The following FRMD4B variants were observed in gnomAD, a reference collection of about 807,000 sequenced individuals.
The protein encoded by FRMD4B is FERM domain containing 4B, also known as FERM domain-containing protein 4B.
A neutral mutation model predicts 141.5 loss-of-function variants in FRMD4B; 74 were observed. That is an observed-to-expected ratio of 0.52 (90% CI 0.43 to 0.63). The LOEUF (loss-of-function observed/expected upper bound fraction) is 0.63, where lower values mean the gene tolerates loss of function less well. FRMD4B is among the 30% of genes least tolerant of loss of function. The pLI is 0.00. For missense variants in FRMD4B, 1,366 were observed against 1,253.4 expected, an observed-to-expected ratio of 1.09 and a Z score of -1.36; for synonymous variants, 506 against 467.9, an observed-to-expected ratio of 1.08 and a Z score of -1.05.
At chr3:69,388,948 T>G (rs1195065043), upstream of FRMD4B, among the ~76,000 whole-genome samples, 1 of 152,048 alleles carries the variant, frequency 6.6e-6, no homozygotes, top group Non-Finnish European at 1.5e-5. Flanking sequence ...AAGAATAGTG[T>G]ACATTGTACC....
chr3:69,415,425 C>A (rs114135491), intron 2 of FRMD4B, among the ~76,000 whole-genome samples: 1 of 152,074 alleles, frequency 6.6e-6, no homozygotes, highest in Admixed American at 6.5e-5. Context: ...TGGTCAAGCC[C>A]CATCTACCTC....
At position 69,250,319 on chromosome 3, in the gene FRMD4B, C is replaced by G. The variant is rs966666409; in HGVS notation, c.502-220G>C. 1.5e-3 allele frequency: 328 copies of G among 213,660 alleles called. 1 individual carries two copies. The highest frequency in any genetic ancestry group is 5.2e-3 in the South Asian group (49 of 9,488). The allele number at this position is 213,660 out of a possible 1,614,324, so 13.2% of individuals were successfully genotyped here. ...TGTGTGTGTGTGTGTGTGTGTGTGT[C>G]TATTTTAAATAGCTGTGGTGACGGA... On this transcript the variant is annotated intron_variant, in intron 5 of 22. Transcript: ENST00000398540.
At chr3:69,435,359 TA>T (rs76741517) in intron 1 of FRMD4B, among the ~76,000 whole-genome samples, 4,443 of 142,300 alleles carry the variant, frequency 0.031, 66 homozygotes, top group Non-Finnish European at 0.043. Flanking sequence ...GGTTTTAGGT[TA>T]AAAAAAAAAA....
At chr3:69,518,964 C>T (rs1334452945) in intron 1 of FRMD4B, among the ~76,000 whole-genome samples, 1 of 152,156 alleles carries the variant, frequency 6.6e-6, no homozygotes, top group Non-Finnish European at 1.5e-5. Context: ...CAGCTTGTTT[C>T]TGTGTTGACA....
intron 1 of FRMD4B, among the ~76,000 whole-genome samples, chr3:69,502,670 A>G (rs1706518144): frequency 6.6e-6 from 1 of 152,236 alleles, no homozygotes; most frequent in African/African-American, 2.4e-5. Flanking sequence ...ACAAAAGCCA[A>G]AATTGACAAA....
chr3:69,365,859 C>T (rs76274112), intron 1 of FRMD4B, among the ~76,000 whole-genome samples: 33,171 of 151,722 alleles, frequency 0.22, 4,557 homozygotes, highest in African/African-American at 0.39. Context: ...AAAGTATTCA[C>T]TTCACAGAAA....
intron 11 of FRMD4B, chr3:69,200,560 C>A: frequency 1.8e-6 from 2 of 1,109,734 alleles, no homozygotes; most frequent in Non-Finnish European, 2.2e-6. Flanking sequence ...ACAAACTGAG[C>A]CTCCCACGGC....
At chr3:69,389,879 G>C (rs1324603457), upstream of FRMD4B, among the ~76,000 whole-genome samples, 4 of 151,690 alleles carry the variant, frequency 2.6e-5, no homozygotes, top group African/African-American at 9.7e-5. Context: ...AATCAAGCTA[G>C]CTTCAACATT....
chr3:69,244,616 G>C (rs762442508), intron 7 of FRMD4B, among the ~76,000 whole-genome samples: 1 of 151,776 alleles, frequency 6.6e-6, no homozygotes, highest in Middle Eastern at 3.4e-3. Context: ...CTGGGCGACA[G>C]AGCGAGACTC....
chr3:69,525,926 T>C (rs1390574624), intron 1 of FRMD4B, among the ~76,000 whole-genome samples: 4 of 152,130 alleles, frequency 2.6e-5, no homozygotes, highest in African/African-American at 9.7e-5. Context: ...CTCAAAGTGC[T>C]AGGATTACAG....
At chr3:69,381,612 G>A (rs901528058) in intron 1 of FRMD4B, among the ~76,000 whole-genome samples, 9 of 152,200 alleles carry the variant, frequency 5.9e-5, no homozygotes, top group Admixed American at 1.3e-4. Context: ...AAGCTGAGCA[G>A]TGCAGTGGAA....
At chr3:69,186,223 C>A (rs1467041650) in intron 19 of FRMD4B, among the ~76,000 whole-genome samples, 1 of 146,084 alleles carries the variant, frequency 6.8e-6, no homozygotes, top group Non-Finnish European at 1.5e-5. Context: ...TTTTTTTGAA[C>A]ATTTCTTTTT....
intron 5 of FRMD4B, among the ~76,000 whole-genome samples, chr3:69,272,283 C>T (rs1055363402): frequency 1.3e-5 from 2 of 152,138 alleles, no homozygotes; most frequent in Non-Finnish European, 2.9e-5. Context: ...ATTGGAACTA[C>T]AGGTGTGCAC....
At chr3:69,211,859 A>T (rs555119277) in intron 11 of FRMD4B, among the ~76,000 whole-genome samples, 14 of 152,306 alleles carry the variant, frequency 9.2e-5, no homozygotes, top group African/African-American at 3.4e-4. Flanking sequence ...TGGTCCTTTA[A>T]ATTATGCATT....
At chr3:69,453,179 G>C (rs978159311) in intron 1 of FRMD4B, among the ~76,000 whole-genome samples, 2 of 152,186 alleles carry the variant, frequency 1.3e-5, no homozygotes, top group African/African-American at 4.8e-5. Context: ...AGATGGGCTT[G>C]AGTAGATGGC....
chr3:69,193,617 C>T, intron 17 of FRMD4B, 31 bp downstream of exon 17: 1 of 1,164,548 alleles, frequency 8.6e-7, no homozygotes, highest in Non-Finnish European at 1.2e-6. Flanking sequence ...GAGTAGGGGA[C>T]TCAAAAAAAA....
intron 1 of FRMD4B, among the ~76,000 whole-genome samples, chr3:69,347,098 A>G (rs1012182768): frequency 6.6e-6 from 1 of 152,248 alleles, no homozygotes; most frequent in African/African-American, 2.4e-5. Context: ...TCTCACATGC[A>G]GAGACACACA....
At chr3:69,333,704 C>T (rs891943142) in intron 1 of FRMD4B, among the ~76,000 whole-genome samples, 2 of 152,118 alleles carry the variant, frequency 1.3e-5, no homozygotes, top group African/African-American at 4.8e-5. Flanking sequence ...ATAAAATACC[C>T]AATTTCCATC....
intron 5 of FRMD4B, among the ~76,000 whole-genome samples, chr3:69,263,059 G>A (rs1274578259): frequency 6.6e-6 from 1 of 151,972 alleles, no homozygotes. Context: ...GGGAGTTCGA[G>A]ACCGGCCTGA....
Sources: allele counts gnomAD v4.1 joint callset (sites outside exome capture counted in the v4.1 genomes callset), GRCh38; gene constraint gnomAD v4.1.1; transcripts MANE v1.5; gene names NCBI Gene and HGNC (gene_info 2026-07-23, HGNC 2026-07-21).